NRXN1: variants seen among roughly 807,000 people sequenced by gnomAD.
NRXN1 encodes the protein neurexin-1.
NRXN1 carries 39 observed loss-of-function variants against 150.9 expected under a neutral mutation model. The observed-to-expected ratio is 0.26, with a 90% CI of 0.20 to 0.34. The LOEUF (loss-of-function observed/expected upper bound fraction) is 0.34. Ranked by LOEUF, NRXN1 falls within the 10% of genes least tolerant of loss-of-function variation. The probability of loss-of-function intolerance (pLI) is 1.00; values close to 1 mark genes in which losing one functional copy is unlikely to be tolerated. For synonymous variants in NRXN1, 924 were observed against 757.0 expected, an observed-to-expected ratio of 1.22 and a Z score of -3.62; for missense variants, 1,815 against 1,949.9, an observed-to-expected ratio of 0.93 and a Z score of 1.30.
chr2:50,441,771 G>T (rs945258396), intron 17 of NRXN1, among the ~76,000 whole-genome samples: 1 of 151,840 alleles, frequency 6.6e-6, no homozygotes. Flanking sequence ...TAAAAATATC[G>T]AAAAAATAAA....
chr2:50,494,628 A>G (rs1040097195), intron 15 of NRXN1, among the ~76,000 whole-genome samples: 1 of 152,212 alleles, frequency 6.6e-6, no homozygotes, highest in Non-Finnish European at 1.5e-5. Flanking sequence ...CACATTTTAT[A>G]TGTTGAGCAA....
intron 18 of NRXN1, among the ~76,000 whole-genome samples, chr2:50,234,899 G>A (rs966707651): frequency 2.6e-5 from 4 of 151,912 alleles, no homozygotes; most frequent in African/African-American, 7.2e-5. Context: ...TAGAATGGAC[G>A]CCGAGAAAGT....
At chr2:50,974,202 G>C (rs1695475229) in intron 2 of NRXN1, among the ~76,000 whole-genome samples, 1 of 152,072 alleles carries the variant, frequency 6.6e-6, no homozygotes, top group South Asian at 2.1e-4. Context: ...TTCAATAAAA[G>C]TTATAGTGAT....
At chr2:50,657,359 G>C (rs1005284299) in intron 5 of NRXN1, among the ~76,000 whole-genome samples, 4 of 151,964 alleles carry the variant, frequency 2.6e-5, no homozygotes, top group Non-Finnish European at 4.4e-5. Context: ...CCTACACCTT[G>C]CCTTTACATG....
chr2:50,827,578 C>T (rs542825701), intron 5 of NRXN1, among the ~76,000 whole-genome samples: 3 of 152,180 alleles, frequency 2.0e-5, no homozygotes, highest in Non-Finnish European at 2.9e-5. Context: ...TATTGATTTC[C>T]ACATCTAAAA....
chr2:50,016,661 C>T (rs576302353), intron 21 of NRXN1: 2 of 152,254 alleles, frequency 1.3e-5, no homozygotes, highest in South Asian at 2.1e-4. Flanking sequence ...CACTTACTAT[C>T]ACGAGAACAG....
intron 5 of NRXN1, among the ~76,000 whole-genome samples, chr2:50,869,137 T>C (rs1358261143): frequency 6.6e-6 from 1 of 151,776 alleles, no homozygotes; most frequent in Non-Finnish European, 1.5e-5. Context: ...TGCTGACATG[T>C]GATCTCTTTT....
In NRXN1 at chr2:50,283,889, T is replaced by C. The variant is rs149931466; in HGVS notation, c.3365-46919A>G. 3.4e-3 allele frequency among the ~76,000 whole-genome samples: 522 copies of C among 152,270 alleles called. 3 individuals are homozygous for C. Among genetic ancestry groups the C allele is most frequent in the African/African-American group, 0.012 (488 of 41,544 alleles). ...TCTCAAGGCTAGATTTGGAGAACTCTAGGTAAATGCCAAAACAAAACAAAA... is the reference window on the plus strand; with the variant it reads ...TCTCAAGGCTAGATTTGGAGAACTCCAGGTAAATGCCAAAACAAAACAAAA... On this transcript the variant is annotated intron_variant, in intron 17 of 22. Coordinates refer to ENST00000401669, the MANE Select transcript of NRXN1 (RefSeq NM_001330078.2).
chr2:50,905,797 G>C (rs1156702549), intron 5 of NRXN1, among the ~76,000 whole-genome samples: 1 of 151,908 alleles, frequency 6.6e-6, no homozygotes, highest in East Asian at 1.9e-4. Flanking sequence ...GTTCCACAAA[G>C]GGCTTTGAAT....
chr2:49,973,914 T>A, intron 21 of NRXN1: 1 of 699,858 alleles, frequency 1.4e-6, no homozygotes. Context: ...TCTTAAACCC[T>A]GCATGCTGCA....
At chr2:50,944,445 A>T (rs1689994697) in intron 2 of NRXN1, among the ~76,000 whole-genome samples, 1 of 152,216 alleles carries the variant, frequency 6.6e-6, no homozygotes, top group African/African-American at 2.4e-5. Context: ...TTTTAAGGAC[A>T]AATTAGTAAA....
chr2:50,819,876 G>C (rs1466350599), intron 5 of NRXN1, among the ~76,000 whole-genome samples: 1 of 151,792 alleles, frequency 6.6e-6, no homozygotes, highest in Non-Finnish European at 1.5e-5. Context: ...ACACTGACTT[G>C]AGCAGACATC....
intron 17 of NRXN1, among the ~76,000 whole-genome samples, chr2:50,431,427 T>C (rs901665081): frequency 2.6e-5 from 4 of 152,222 alleles, no homozygotes; most frequent in African/African-American, 9.6e-5. Flanking sequence ...CATCATTCCA[T>C]TGCCTGAGAT....
intron 21 of NRXN1, among the ~76,000 whole-genome samples, chr2:49,944,260 T>C (rs1672506830): frequency 6.6e-6 from 1 of 152,212 alleles, no homozygotes; most frequent in Admixed American, 6.5e-5. Flanking sequence ...TATAGCTTGT[T>C]ATTGGAGGAA....
At chr2:50,656,304 G>A (rs143666462) in intron 5 of NRXN1, 43 of 737,518 alleles carry the variant, frequency 5.8e-5, no homozygotes, top group African/African-American at 5.2e-4. Flanking sequence ...TTAAAGTTAC[G>A]TATCAATTTT....
chr2:50,853,671 G>T (rs914847790), intron 5 of NRXN1, among the ~76,000 whole-genome samples: 2 of 152,064 alleles, frequency 1.3e-5, no homozygotes, highest in Non-Finnish European at 2.9e-5. Flanking sequence ...GATAAACTCA[G>T]ATGTCTAGCT....
chr2:49,932,367 G>A (rs1341001209), intron 22 of NRXN1, among the ~76,000 whole-genome samples: 4 of 152,154 alleles, frequency 2.6e-5, no homozygotes, highest in African/African-American at 9.7e-5. Flanking sequence ...GGTGCAGTGA[G>A]CCATAACTGC....
intron 5 of NRXN1, among the ~76,000 whole-genome samples, chr2:50,822,200 A>G (rs1007369467): frequency 1.3e-5 from 2 of 152,128 alleles, no homozygotes; most frequent in Admixed American, 6.6e-5. Context: ...ACAAAGTGAA[A>G]GATTAGTATA....
intron 2 of NRXN1, among the ~76,000 whole-genome samples, chr2:50,995,726 T>C (rs1699180484): frequency 6.6e-6 from 1 of 152,010 alleles, no homozygotes; most frequent in Non-Finnish European, 1.5e-5. Context: ...TAGTAGTTTC[T>C]CTTTCAGTCA....
Sources: gnomAD v4.1 joint callset for allele counts (sites outside exome capture counted in the v4.1 genomes callset) on GRCh38, gnomAD v4.1.1 for gene constraint, MANE v1.5 for transcripts, NCBI Gene and HGNC (gene_info 2026-07-23, HGNC 2026-07-21) for gene names.